Variants in ELAC2 observed in about 807,000 individuals in gnomAD.
ELAC2 encodes zinc phosphodiesterase ELAC protein 2.
A neutral mutation model predicts 105.2 loss-of-function variants in ELAC2; 92 were observed. The ratio of observed to expected loss-of-function variants is 0.87; its 90% CI spans 0.74 to 1.04. The LOEUF is 1.04. Among genes scored for constraint, ELAC2 ranks in the 50% least tolerant of loss-of-function variants. The pLI, the probability that ELAC2 is intolerant of heterozygous loss-of-function variation, is 0.00. For synonymous variants in ELAC2, 468 were observed against 409.1 expected, an observed-to-expected ratio of 1.14 and a Z score of -1.74; for missense variants, 1,099 against 1,071.7, an observed-to-expected ratio of 1.03 and a Z score of -0.36.
chr17:13,017,435 G>A lies in ELAC2; in HGVS notation c.245+268C>T, dbSNP rs777774489. 4.5e-6 allele frequency: 3 copies of A among 667,440 alleles called. No individual in the cohort carries two copies. The African/African-American group carries it at 5.5e-5, about 12-fold the overall frequency. 41.3% of individuals were successfully genotyped at this position (667,440 alleles called of 1,614,324 possible). On this transcript the variant is annotated intron_variant, in intron 1 of 23. Coordinates refer to ENST00000338034, the MANE Select transcript of ELAC2 (RefSeq NM_018127.7). ...GGCCTTGGGGTGCACGGAAGAGGGT[G>A]GAGCTCCGAAAGTGCTGACAGCCAG...
intron 4 of ELAC2, among the ~76,000 whole-genome samples, chr17:13,015,337 G>T (rs2041658204): frequency 6.6e-6 from 1 of 152,200 alleles, no homozygotes; most frequent in South Asian, 2.1e-4. Flanking sequence ...AAAATGAACT[G>T]TTATATTCAA....
chr17:12,996,430 G>T, intron 17 of ELAC2, 117 bp downstream of exon 17: 1 of 1,483,476 alleles, frequency 6.7e-7, no homozygotes, highest in Non-Finnish European at 9.3e-7. Context: ...AGCCAGAGAT[G>T]AGTAACAAAA....
chr17:13,003,139 C>A (rs1332058316), intron 12 of ELAC2, among the ~76,000 whole-genome samples: 1 of 152,214 alleles, frequency 6.6e-6, no homozygotes, highest in Non-Finnish European at 1.5e-5. Context: ...AGTGGGCATT[C>A]AGTAAATGGA....
chr17:12,995,432 CA>C (rs2040419819), intron 19 of ELAC2, among the ~76,000 whole-genome samples: 1 of 152,212 alleles, frequency 6.6e-6, no homozygotes, highest in African/African-American at 2.4e-5. Context: ...ACTGTCTCAT[CA>C]AGAAAAGCTG....
chr17:12,997,905 A>G (rs1473553192), intron 16 of ELAC2, among the ~76,000 whole-genome samples: 1 of 152,222 alleles, frequency 6.6e-6, no homozygotes, highest in Non-Finnish European at 1.5e-5. Flanking sequence ...GGAATCCAAT[A>G]AAGGTTCTGA....
In ELAC2 at chr17:12,998,395, C is replaced by T; in HGVS notation, c.1520+17G>A. On this transcript the variant is annotated intron_variant, in intron 16 of 23. Transcript: ENST00000338034. ...CGTGCCCTTGATGGAAGGATGCTTC[C>T]TGGGAAAGCAGCATACCTTATGTTG... 6.2e-7 allele frequency: 1 copy of T among 1,611,972 alleles called. No homozygotes were observed. The highest frequency in any genetic ancestry group is 2.2e-5 in the East Asian group (1 of 44,870).
In ELAC2 at chr17:13,003,664, C is replaced by G. The variant is rs1483164998; in HGVS notation, c.984-90G>C. The stretch of plus-strand genomic sequence containing the variant: ...GCAGCCAGGGAGGGGTATCGTGCGG[C>G]CCTCTGCAGCACTGCAGTGAGCTGA... On this transcript the variant is annotated intron_variant, in intron 11 of 23. Coordinates refer to ENST00000338034, the MANE Select transcript of ELAC2 (RefSeq NM_018127.7). The G allele has an allele frequency of 1.0e-5, 12 of 1,151,018 alleles. 1 individual carries two copies. Among genetic ancestry groups the G allele is most frequent in the South Asian group, 3.7e-5 (3 of 80,028 alleles). The allele number at this position is 1,151,018 out of a possible 1,614,324, so 71.3% of individuals were successfully genotyped here. A position where few individuals can be genotyped will look rare whatever the true frequency, so the allele number is the denominator to read the frequency against.
At chr17:13,016,772 C>G in intron 3 of ELAC2, 90 bp downstream of exon 3, 1 of 1,069,478 alleles carries the variant, frequency 9.4e-7, no homozygotes, top group Non-Finnish European at 1.4e-6. Flanking sequence ...AAAAAAGTAG[C>G]TGCCCACCCC....
chr17:13,014,165 C>T (rs1438362253), intron 5 of ELAC2, among the ~76,000 whole-genome samples: 1 of 151,896 alleles, frequency 6.6e-6, no homozygotes, highest in Non-Finnish European at 1.5e-5. Flanking sequence ...TGATGGCATG[C>T]GCCTGTAGTC....
intron 16 of ELAC2, 55 bp downstream of exon 16, chr17:12,998,357 T>C (rs2040577882): frequency 6.5e-7 from 1 of 1,544,010 alleles, no homozygotes; most frequent in African/African-American, 1.4e-5. Context: ...AGGACTTTTG[T>C]TTAAAAAGTA....
At chr17:12,996,429 TGA>T in intron 17 of ELAC2, 116 bp downstream of exon 17, 1 of 1,483,216 alleles carries the variant, frequency 6.7e-7, no homozygotes, top group Non-Finnish European at 9.3e-7. Context: ...TAGCCAGAGA[TGA>T]GTAACAAAAG....
Position 12,995,712 on chromosome 17 carries a change from T to C in ELAC2, c.1799A>G (p.His600Arg), listed in dbSNP as rs764718787. Reference protein sequence around the residue: ...QYHNQCQEVLHHISMIPAKCL... With the variant: ...QYHNQCQEVLRHISMIPAKCL... Reference sequence around the variant, plus strand: ...TGCCCTGGATGCTCACCTGATGTGGTGCAGGACCTCCTGGCACTGGTTGTG... The same window carrying C: ...TGCCCTGGATGCTCACCTGATGTGGCGCAGGACCTCCTGGCACTGGTTGTG... Residue 600 changes from histidine (H) to arginine (R), a missense_variant, in exon 19 of 24, where the codon CAC becomes CGC. Physicochemically the swap from His to Arg is conservative, Grantham distance 29 (BLOSUM62 0). Transcript: ENST00000338034. The C allele has an allele frequency of 1.9e-4, 299 of 1,610,738 alleles. No homozygotes were observed. The highest frequency in any genetic ancestry group is 2.4e-4 in the Non-Finnish European group (288 of 1,178,772).
rs1221642601 is a variant in ELAC2 at position 12,995,160 on chromosome 17, T to C, written c.1809-98A>G. 3 of 1,252,462 alleles carry C rather than the reference T, an allele frequency of 2.4e-6. No homozygotes were observed. In the African/African-American group the frequency reaches 4.4e-5, roughly 19 times the overall value. 77.6% of individuals were successfully genotyped at this position (1,252,462 alleles called of 1,614,324 possible). A position where few individuals can be genotyped will look rare whatever the true frequency, so the allele number is the denominator to read the frequency against. Reference sequence around the variant, plus strand: ...GGCTGGAGAACCCCAAAATCATTCTTAGGAGAAAACATGAGTTAAATCATA... The same window carrying C: ...GGCTGGAGAACCCCAAAATCATTCTCAGGAGAAAACATGAGTTAAATCATA... On this transcript the variant is annotated intron_variant, in intron 19 of 23. Transcript: ENST00000338034.
intron 15 of ELAC2, among the ~76,000 whole-genome samples, chr17:12,999,453 C>T (rs562900864): frequency 1.3e-5 from 2 of 152,204 alleles, no homozygotes; most frequent in African/African-American, 2.4e-5. Context: ...AGCCTGTGCC[C>T]GGCCCTCAGC....
chr17:13,010,812 C>T (rs1484399389), intron 7 of ELAC2, 141 bp from the exon 8 acceptor site: 2 of 767,538 alleles, frequency 2.6e-6, no homozygotes, highest in Admixed American at 2.1e-5. Context: ...GCTGAAGACA[C>T]TAATATACTC....
At chr17:12,993,964 C>T (rs961174099) in intron 22 of ELAC2, 133 bp from the exon 23 acceptor site, 29 of 1,279,014 alleles carry the variant, frequency 2.3e-5, no homozygotes, top group Non-Finnish European at 2.9e-5. Context: ...CGGGCACCTC[C>T]GTAGCCAGCA....
chr17:12,997,253 G>A (rs1464102774), intron 16 of ELAC2, among the ~76,000 whole-genome samples: 9 of 152,182 alleles, frequency 5.9e-5, no homozygotes, highest in Admixed American at 1.3e-4. Flanking sequence ...GCAGGGCTCT[G>A]GAAGTCTGGA....
At chr17:13,000,403 G>A in intron 14 of ELAC2, 129 bp from the exon 15 acceptor site, 1 of 866,514 alleles carries the variant, frequency 1.2e-6, no homozygotes, top group Admixed American at 1.8e-5. Flanking sequence ...AACACTGAAG[G>A]TTAAGTGACT....
chr17:12,995,676 GC>G, intron 19 of ELAC2, 26 bp downstream of exon 19: 1 of 1,590,238 alleles, frequency 6.3e-7, no homozygotes, highest in Non-Finnish European at 8.6e-7. Flanking sequence ...CAACAGCCCA[GC>G]GGGCCAGGCT....
Sources: gnomAD v4.1 joint callset for allele counts (sites outside exome capture counted in the v4.1 genomes callset) on GRCh38, gnomAD v4.1.1 for gene constraint, MANE v1.5 for transcripts, NCBI Gene and HGNC (gene_info 2026-07-23, HGNC 2026-07-21) for gene names.